Variants in NRXN3 observed in about 807,000 individuals in gnomAD.
NRXN3 encodes neurexin III.
A neutral mutation model predicts 137.6 loss-of-function variants in NRXN3; 32 were observed. That is an observed-to-expected ratio of 0.23 (90% CI 0.18 to 0.31). NRXN3 has a LOEUF of 0.31. Ranked by LOEUF, NRXN3 falls within the 10% of genes least tolerant of loss-of-function variation. The pLI, the probability that NRXN3 is intolerant of heterozygous loss-of-function variation, is 1.00. For missense variants in NRXN3, 1,574 were observed against 2,062.5 expected (o/e 0.76, Z 4.59); for synonymous variants, 798 against 784.5 (o/e 1.02, Z -0.29).
chr14:78,751,190 A>G (rs1283470650), intron 8 of NRXN3, among the ~76,000 whole-genome samples: 1 of 152,194 alleles, frequency 6.6e-6, no homozygotes, highest in Non-Finnish European at 1.5e-5. Flanking sequence ...CTCTGTAGCC[A>G]GAAGACATTG....
intron 16 of NRXN3, among the ~76,000 whole-genome samples, chr14:79,582,330 T>G (rs760166626): frequency 6.6e-6 from 1 of 152,356 alleles, no homozygotes; most frequent in Middle Eastern, 3.4e-3. Context: ...ATCACTCAGC[T>G]GGTAACTTTT....
At chr14:79,470,949 AGAGTGTGTGTGTGTGTGT>A (rs1186849563) in intron 16 of NRXN3, among the ~76,000 whole-genome samples, 1 of 57,404 alleles carries the variant, frequency 1.7e-5, no homozygotes, top group Non-Finnish European at 3.7e-5. Context: ...AAAGAGAGAG[AGAGTGTGTGTGTGTGTGT>A]GTGTGTGTGT....
chr14:78,689,399 G>C (rs2098150469), intron 6 of NRXN3, among the ~76,000 whole-genome samples: 1 of 152,100 alleles, frequency 6.6e-6, no homozygotes, highest in Non-Finnish European at 1.5e-5. Flanking sequence ...TAGTATAATA[G>C]AACATTTTTA....
chr14:78,461,459 C>G (rs748533656), intron 4 of NRXN3, among the ~76,000 whole-genome samples: 74 of 151,920 alleles, frequency 4.9e-4, no homozygotes, highest in Non-Finnish European at 8.1e-4. Context: ...TGCAAAGATG[C>G]CTTGGATGAA....
rs191397793 is a variant in NRXN3 at position 79,724,767 on chromosome 14, C to T, written c.4014+26830C>T. Among the ~76,000 whole-genome samples the T allele has an allele frequency of 9.9e-5, 15 of 152,200 alleles. No individual in the cohort carries two copies. In the East Asian group the frequency reaches 1.5e-3, roughly 16 times the overall value. On this transcript the variant is annotated intron_variant, in intron 19 of 20. Coordinates refer to ENST00000335750, the MANE Select transcript of NRXN3 (RefSeq NM_001330195.2). ...TATATGGTACTTTAACAAAGCTATA[C>T]GGTAGCTGCAAGACAACACCATGGC...
At chr14:78,342,313 C>T (rs1320188465) in intron 4 of NRXN3, among the ~76,000 whole-genome samples, 1 of 152,134 alleles carries the variant, frequency 6.6e-6, no homozygotes, top group Non-Finnish European at 1.5e-5. Flanking sequence ...CCATTCTGTT[C>T]TGTACTTTTA....
intron 15 of NRXN3, among the ~76,000 whole-genome samples, chr14:79,095,925 A>G (rs1483815989): frequency 6.6e-6 from 1 of 152,100 alleles, no homozygotes; most frequent in Admixed American, 6.6e-5. Flanking sequence ...GTGCATTTGA[A>G]CAAGCACAAG....
chr14:78,181,140 T>G (rs904347729), intron 1 of NRXN3, among the ~76,000 whole-genome samples: 2 of 152,220 alleles, frequency 1.3e-5, no homozygotes, highest in African/African-American at 4.8e-5. Context: ...ACATGTAATA[T>G]CCAGTGGGGC....
At chr14:79,684,411 T>A (rs181564397) in intron 17 of NRXN3, among the ~76,000 whole-genome samples, 1 of 152,312 alleles carries the variant, frequency 6.6e-6, no homozygotes, top group African/African-American at 2.4e-5. Context: ...GGGTGGTGAC[T>A]AGAACAGTGA....
intron 5 of NRXN3, among the ~76,000 whole-genome samples, chr14:78,649,517 G>T (rs1260593015): frequency 6.7e-6 from 1 of 148,526 alleles, no homozygotes; most frequent in Non-Finnish European, 1.5e-5. Flanking sequence ...ATTTTGTGGG[G>T]AAGGTTTCCT....
intron 19 of NRXN3, among the ~76,000 whole-genome samples, chr14:79,710,637 A>C (rs1044820716): frequency 3.3e-5 from 5 of 152,216 alleles, no homozygotes; most frequent in African/African-American, 1.2e-4. Flanking sequence ...AGGGCATGAG[A>C]TATATAACTG....
chr14:79,242,368 C>G (rs1013643467), intron 15 of NRXN3, among the ~76,000 whole-genome samples: 1 of 152,124 alleles, frequency 6.6e-6, no homozygotes, highest in Admixed American at 6.5e-5. Context: ...AGTCCTGGGC[C>G]ACTCAGCATG....
intron 6 of NRXN3, among the ~76,000 whole-genome samples, chr14:78,693,505 T>C (rs1341701354): frequency 3.3e-5 from 5 of 151,974 alleles, no homozygotes; most frequent in Admixed American, 2.0e-4. Flanking sequence ...GAGCCAGTTT[T>C]ATCAATTTAA....
At chr14:78,337,188 T>C (rs1305241780) in intron 4 of NRXN3, among the ~76,000 whole-genome samples, 1 of 152,066 alleles carries the variant, frequency 6.6e-6, no homozygotes, top group Non-Finnish European at 1.5e-5. Flanking sequence ...TTCACAGTAA[T>C]GGACATGTAT....
intron 15 of NRXN3, among the ~76,000 whole-genome samples, chr14:79,283,207 G>A (rs1432823397): frequency 6.6e-6 from 1 of 152,196 alleles, no homozygotes; most frequent in Non-Finnish European, 1.5e-5. Context: ...AGAGTTAAAG[G>A]CAGCACTCTC....
intron 6 of NRXN3, among the ~76,000 whole-genome samples, chr14:78,659,423 A>T (rs996714734): frequency 2.0e-5 from 3 of 152,116 alleles, no homozygotes; most frequent in Admixed American, 2.0e-4. Flanking sequence ...TCACGCCCAT[A>T]ATTTTAGCAC....
chr14:79,758,514 G>A (rs759090977), intron 19 of NRXN3, among the ~76,000 whole-genome samples: 10 of 152,110 alleles, frequency 6.6e-5, no homozygotes, highest in South Asian at 2.1e-4. Flanking sequence ...CCATTCATGC[G>A]GGATCTGCCC....
At chr14:79,202,221 T>C (rs1410108944) in intron 15 of NRXN3, among the ~76,000 whole-genome samples, 5 of 151,940 alleles carry the variant, frequency 3.3e-5, no homozygotes, top group Non-Finnish European at 7.4e-5. Context: ...TACATTTCCT[T>C]GGGGGAAAAA....
intron 10 of NRXN3, among the ~76,000 whole-genome samples, chr14:78,869,236 A>G (rs1420271043): frequency 6.6e-6 from 1 of 152,090 alleles, no homozygotes; most frequent in Non-Finnish European, 1.5e-5. Flanking sequence ...ATCAATTGTC[A>G]ATTTTACCTT....
Sources: allele counts gnomAD v4.1 joint callset (sites outside exome capture counted in the v4.1 genomes callset), GRCh38; gene constraint gnomAD v4.1.1; transcripts MANE v1.5; gene names NCBI Gene and HGNC (gene_info 2026-07-23, HGNC 2026-07-21).